The following NELL1 variants were observed in gnomAD, a reference collection of about 807,000 sequenced individuals.
The protein encoded by NELL1 is protein kinase C-binding protein NELL1.
NELL1 carries 76 observed loss-of-function variants against 107.4 expected under a neutral mutation model. The observed-to-expected ratio is 0.71, with a 90% confidence interval of 0.59 to 0.86. The LOEUF is 0.86. Ranked by LOEUF, NELL1 falls within the 40% of genes least tolerant of loss-of-function variation. The pLI is 0.00. For synonymous variants in NELL1, 353 were observed against 341.2 expected (o/e 1.03, Z -0.38); for missense variants, 1,024 against 1,005.5 (o/e 1.02, Z -0.25).
At chr11:21,325,418 G>T (rs1018824378) in intron 14 of NELL1, among the ~76,000 whole-genome samples, 1 of 151,950 alleles carries the variant, frequency 6.6e-6, no homozygotes, top group African/African-American at 2.4e-5. Flanking sequence ...TTCCACTAAG[G>T]CTACACCAAT....
At chr11:20,941,991 C>T (rs1850864731) in intron 10 of NELL1, among the ~76,000 whole-genome samples, 1 of 152,168 alleles carries the variant, frequency 6.6e-6, no homozygotes, top group South Asian at 2.1e-4. Context: ...CACTGTGTCT[C>T]AGAAAAGACC....
At chr11:21,196,294 C>T (rs2133842089) in intron 13 of NELL1, among the ~76,000 whole-genome samples, 1 of 152,202 alleles carries the variant, frequency 6.6e-6, no homozygotes, top group East Asian at 1.9e-4. Context: ...CCAGTGGCTT[C>T]CTACCGTACT....
intron 16 of NELL1, among the ~76,000 whole-genome samples, chr11:21,539,720 C>T (rs1211664383): frequency 1.3e-5 from 2 of 151,090 alleles, no homozygotes; most frequent in Admixed American, 6.6e-5. Flanking sequence ...TCTATGGGTA[C>T]AGGATACCCA....
chr11:21,549,000 C>T (rs527809900), intron 16 of NELL1, among the ~76,000 whole-genome samples: 1 of 151,278 alleles, frequency 6.6e-6, no homozygotes, highest in African/African-American at 2.4e-5. Flanking sequence ...ACAATCCTGA[C>T]TATATTATTA....
intron 2 of NELL1, among the ~76,000 whole-genome samples, chr11:20,697,625 A>T (rs1172854282): frequency 6.6e-6 from 1 of 152,082 alleles, no homozygotes; most frequent in Admixed American, 6.6e-5. Flanking sequence ...TAAGGTAAAG[A>T]TCTCAGCCTC....
At chr11:21,442,004 T>G (rs2133847088) in intron 15 of NELL1, among the ~76,000 whole-genome samples, 1 of 152,266 alleles carries the variant, frequency 6.6e-6, no homozygotes, top group South Asian at 2.1e-4. Context: ...ATAAAAATAC[T>G]TATAGGTTCC....
intron 12 of NELL1, among the ~76,000 whole-genome samples, chr11:21,110,092 T>C (rs1855070727): frequency 6.6e-6 from 1 of 152,170 alleles, no homozygotes; most frequent in Non-Finnish European, 1.5e-5. Flanking sequence ...ACAAGATAGC[T>C]TTTATATCTG....
At chr11:20,813,481 A>G (rs986890011) in intron 3 of NELL1, among the ~76,000 whole-genome samples, 2 of 151,834 alleles carry the variant, frequency 1.3e-5, no homozygotes, top group African/African-American at 4.8e-5. Flanking sequence ...AAAAAAAACC[A>G]TTGCTGGCTC....
At chr11:21,167,709 T>C (rs1307990565) in intron 13 of NELL1, among the ~76,000 whole-genome samples, 1 of 151,890 alleles carries the variant, frequency 6.6e-6, no homozygotes, top group African/African-American at 2.4e-5. Context: ...ATGTTGGTCT[T>C]CTTTTCATTC....
chr11:21,163,510 C>T (rs1856417517), intron 13 of NELL1, among the ~76,000 whole-genome samples: 1 of 152,110 alleles, frequency 6.6e-6, no homozygotes, highest in South Asian at 2.1e-4. Context: ...GTTTGAATCC[C>T]TAATCCCCAA....
At chr11:21,552,973 C>G (rs985970746) in intron 16 of NELL1, among the ~76,000 whole-genome samples, 5 of 151,842 alleles carry the variant, frequency 3.3e-5, no homozygotes, top group African/African-American at 1.2e-4. Flanking sequence ...CATGAAAGGA[C>G]TTGGAATTCT....
rs947157079 is a variant in NELL1, at chr11:20,975,705, A to G, written c.1300+15145A>G. Among the ~76,000 whole-genome samples, 137 of 96,342 alleles carry G rather than the reference A, an allele frequency of 1.4e-3. 3 individuals carry two copies. Among genetic ancestry groups the G allele is most frequent in the African/African-American group, 6.1e-3 (131 of 21,340 alleles). The allele number at this position is 96,342 out of a possible 152,430, so 63.2% of individuals were successfully genotyped here. A position where few individuals can be genotyped will look rare whatever the true frequency, so the allele number is the denominator to read the frequency against. ...GTATTATATAATGTATGTATTATAT[A>G]ATATACATATTATATATGTATTATA... On this transcript the variant is annotated intron_variant, in intron 12 of 19. Transcript: ENST00000357134.
At chr11:21,548,524 C>T (rs575250051) in intron 16 of NELL1, among the ~76,000 whole-genome samples, 22 of 151,768 alleles carry the variant, frequency 1.4e-4, no homozygotes, top group Admixed American at 2.6e-4. Flanking sequence ...GCGGAAACCC[C>T]TTATAAAACC....
At chr11:21,314,625 G>C (rs1349818) in intron 14 of NELL1, among the ~76,000 whole-genome samples, 74,096 of 152,002 alleles carry the variant, frequency 0.49, 18,646 homozygotes, top group Non-Finnish European at 0.53. Flanking sequence ...GCCAGTATTT[G>C]AGGATCTGAA....
chr11:21,198,671 T>G (rs577156371), intron 13 of NELL1, among the ~76,000 whole-genome samples: 1 of 152,352 alleles, frequency 6.6e-6, no homozygotes, highest in East Asian at 1.9e-4. Flanking sequence ...CATGTTTCAC[T>G]GGAGCAATGT....
At chr11:21,365,174 G>C (rs1409995178) in intron 14 of NELL1, among the ~76,000 whole-genome samples, 1 of 152,086 alleles carries the variant, frequency 6.6e-6, no homozygotes, top group Non-Finnish European at 1.5e-5. Context: ...ATTATGCTTG[G>C]TTTTATATGC....
intron 12 of NELL1, among the ~76,000 whole-genome samples, chr11:21,005,291 A>T (rs1234426016): frequency 6.6e-6 from 1 of 152,232 alleles, no homozygotes; most frequent in South Asian, 2.1e-4. Context: ...GTAGACAATT[A>T]CATGTTTTGT....
intron 13 of NELL1, among the ~76,000 whole-genome samples, chr11:21,188,963 TA>T (rs1325506272): frequency 6.6e-6 from 1 of 151,924 alleles, no homozygotes; most frequent in Non-Finnish European, 1.5e-5. Flanking sequence ...TTGCATTTGA[TA>T]CTTATCATTT....
intron 5 of NELL1, among the ~76,000 whole-genome samples, chr11:20,915,256 C>T (rs529499350): frequency 5.9e-4 from 89 of 151,832 alleles, no homozygotes; most frequent in Non-Finnish European, 1.2e-3. Flanking sequence ...AATGCTCTTG[C>T]TCCAAAAGAA....
Sources: allele counts gnomAD v4.1 joint callset (sites outside exome capture counted in the v4.1 genomes callset), GRCh38; gene constraint gnomAD v4.1.1; transcripts MANE v1.5; gene names NCBI Gene and HGNC (gene_info 2026-07-23, HGNC 2026-07-21).